Variants in DLG2 observed in about 807,000 individuals in gnomAD.
The protein encoded by DLG2 is disks large homolog 2.
A neutral mutation model predicts 132.5 loss-of-function variants in DLG2; 45 were observed. That is an observed-to-expected ratio of 0.34 (90% confidence interval 0.27 to 0.44). The LOEUF (loss-of-function observed/expected upper bound fraction) is 0.44, where lower values mean the gene tolerates loss of function less well. DLG2 is among the 20% of genes least tolerant of loss of function. The pLI is 1.00. For missense variants in DLG2, 1,045 were observed against 1,196.9 expected, an observed-to-expected ratio of 0.87 and a Z score of 1.87; for synonymous variants, 424 against 419.6, an observed-to-expected ratio of 1.01 and a Z score of -0.13.
intron 3 of DLG2, among the ~76,000 whole-genome samples, chr11:85,591,493 C>T (rs367761694): frequency 4.6e-5 from 7 of 152,154 alleles, no homozygotes; most frequent in East Asian, 1.9e-4. Context: ...GTAATCCCAG[C>T]GCTTTGGGAG....
intron 6 of DLG2, among the ~76,000 whole-genome samples, chr11:84,536,632 A>T (rs1274345611): frequency 6.6e-6 from 1 of 152,094 alleles, no homozygotes; most frequent in African/African-American, 2.4e-5. Flanking sequence ...CTGGCTTTCA[A>T]CCCATTAACT....
intron 6 of DLG2, among the ~76,000 whole-genome samples, chr11:85,002,984 T>TA (rs1249780125): frequency 6.6e-6 from 1 of 152,064 alleles, no homozygotes; most frequent in African/African-American, 2.4e-5. Flanking sequence ...ATGTATAACT[T>TA]ACAAAATATT....
chr11:85,427,915 T>C lies in DLG2; in HGVS notation c.41-142550A>G, dbSNP rs1488300568. ...TGCGAAGACACACATAGGCTCAAAA[T>C]AAAGGGATGGAGGAAGATCTACCAA... On this transcript the variant is annotated intron_variant, in intron 3 of 27. Coordinates refer to ENST00000376104, the MANE Select transcript of DLG2 (RefSeq NM_001142699.3). Among the ~76,000 whole-genome samples the C allele has an allele frequency of 2.6e-5, 4 of 151,830 alleles. 1 individual carries two copies. Among genetic ancestry groups the C allele is most frequent in the Admixed American group, 2.6e-4 (4 of 15,248 alleles).
At chr11:85,395,397 G>A (rs1047251159) in intron 3 of DLG2, among the ~76,000 whole-genome samples, 2 of 152,124 alleles carry the variant, frequency 1.3e-5, no homozygotes, top group Non-Finnish European at 2.9e-5. Flanking sequence ...ATCTCATTGG[G>A]ACTGGTTGGA....
Position 85,047,912 on chromosome 11 carries a change from T to C in DLG2, c.357+63749A>G, listed in dbSNP as rs536278219. Among the ~76,000 whole-genome samples the C allele has an allele frequency of 3.3e-5, 5 of 152,018 alleles. No homozygotes were observed. In the South Asian group the frequency reaches 1.0e-3, roughly 31 times the overall value. On this transcript the variant is annotated intron_variant, in intron 6 of 27. Coordinates refer to ENST00000376104, the MANE Select transcript of DLG2 (RefSeq NM_001142699.3). ...TGATCATTAGTAGGTAAAAATACAA[T>C]TCTCACTAAGTGAGAGTTTTACCTG...
At chr11:84,394,496 CTCTT>C (rs761620496) in intron 7 of DLG2, among the ~76,000 whole-genome samples, 12 of 152,080 alleles carry the variant, frequency 7.9e-5, no homozygotes, top group Non-Finnish European at 1.8e-4. Flanking sequence ...ATTAAGATGG[CTCTT>C]TCTCATTTTC....
intron 15 of DLG2, among the ~76,000 whole-genome samples, chr11:83,925,941 C>A (rs141097825): frequency 6.6e-6 from 1 of 152,032 alleles, no homozygotes; most frequent in African/African-American, 2.4e-5. Flanking sequence ...AAGCAGGAGT[C>A]CCATAGAAAT....
At chr11:84,325,761 T>C (rs1177732879) in intron 7 of DLG2, among the ~76,000 whole-genome samples, 1 of 152,186 alleles carries the variant, frequency 6.6e-6, no homozygotes, top group Non-Finnish European at 1.5e-5. Flanking sequence ...GCTAGCCTTA[T>C]AAAATGAGTT....
intron 4 of DLG2, among the ~76,000 whole-genome samples, chr11:85,240,349 T>A (rs1422994898): frequency 6.6e-6 from 1 of 151,890 alleles, no homozygotes; most frequent in Non-Finnish European, 1.5e-5. Context: ...TGATTACTCT[T>A]ACTGTAGACA....
At chr11:84,503,692 C>A (rs962325614) in intron 7 of DLG2, among the ~76,000 whole-genome samples, 6 of 152,116 alleles carry the variant, frequency 3.9e-5, no homozygotes, top group Non-Finnish European at 5.9e-5. Flanking sequence ...GATAGATGGT[C>A]CTTAAGAAAA....
chr11:83,538,360 A>G (rs774250323), intron 20 of DLG2, among the ~76,000 whole-genome samples: 5 of 152,218 alleles, frequency 3.3e-5, no homozygotes, highest in Admixed American at 2.0e-4. Flanking sequence ...TGTAGGGCCA[A>G]GAAGAGCCCC....
intron 3 of DLG2, among the ~76,000 whole-genome samples, chr11:85,433,215 C>T (rs868141560): frequency 6.6e-6 from 1 of 152,028 alleles, no homozygotes; most frequent in Non-Finnish European, 1.5e-5. Context: ...GCAAAACACA[C>T]AAAAATATAA....
intron 7 of DLG2, among the ~76,000 whole-genome samples, chr11:84,288,744 C>T (rs2097944446): frequency 6.6e-6 from 1 of 152,116 alleles, no homozygotes; most frequent in Non-Finnish European, 1.5e-5. Flanking sequence ...GATATGTAAA[C>T]TCTTCCAAAG....
chr11:84,216,660 A>G (rs2096839627), intron 8 of DLG2, among the ~76,000 whole-genome samples: 2 of 152,224 alleles, frequency 1.3e-5, no homozygotes, highest in Admixed American at 6.5e-5. Flanking sequence ...GAATAAAAGG[A>G]GCAGCGGATG....
intron 7 of DLG2, among the ~76,000 whole-genome samples, chr11:84,406,815 ACATTC>A (rs2098853317): frequency 6.6e-6 from 1 of 152,210 alleles, no homozygotes; most frequent in Non-Finnish European, 1.5e-5. Context: ...CTTCCAGAGT[ACATTC>A]CTTATTCATT....
At chr11:83,659,878 G>A (rs961849894) in intron 18 of DLG2, among the ~76,000 whole-genome samples, 11 of 152,182 alleles carry the variant, frequency 7.2e-5, no homozygotes, top group Non-Finnish European at 1.5e-4. Flanking sequence ...TGATTATCAA[G>A]TGTTTAAGGG....
At chr11:85,104,355 A>T (rs1022639021) in intron 6 of DLG2, among the ~76,000 whole-genome samples, 3 of 152,000 alleles carry the variant, frequency 2.0e-5, no homozygotes, top group African/African-American at 7.2e-5. Flanking sequence ...TGGTATACTC[A>T]TACAATGAAA....
At chr11:84,865,698 C>A (rs900227376) in intron 6 of DLG2, among the ~76,000 whole-genome samples, 1 of 152,176 alleles carries the variant, frequency 6.6e-6, no homozygotes, top group East Asian at 1.9e-4. Flanking sequence ...AGACAGGCTG[C>A]ATAGAACAAA....
intron 7 of DLG2, among the ~76,000 whole-genome samples, chr11:84,271,949 C>CAAAAAAAAAAAAAAAAAAAAAAA (rs71036417): frequency 1.3e-5 from 1 of 77,792 alleles, no homozygotes. Flanking sequence ...TTGATAATAA[C>CAAAAAAAAAAAAAAAAAAAAAAA]AAAAAAAAAA....
Sources: allele counts gnomAD v4.1 joint callset (sites outside exome capture counted in the v4.1 genomes callset), GRCh38; gene constraint gnomAD v4.1.1; transcripts MANE v1.5; gene names NCBI Gene and HGNC (gene_info 2026-07-23, HGNC 2026-07-21).